Variants in CLDN14 observed in about 807,000 individuals in gnomAD.
The protein encoded by CLDN14 is claudin 14, also known as claudin-14.
In CLDN14, 2 loss-of-function variants were observed where a neutral mutation model predicts 2.1. The ratio of observed to expected loss-of-function variants is 0.96; its 90% CI spans 0.39 to 3.01. The LOEUF is 3.01. Ranked by LOEUF, CLDN14 falls within the 30% of genes most tolerant of loss-of-function variation. CLDN14 has a pLI of 0.09. For missense variants in CLDN14, 298 were observed against 328.0 expected, an observed-to-expected ratio of 0.91 and a Z score of 0.71; for synonymous variants, 136 against 154.4, an observed-to-expected ratio of 0.88 and a Z score of 0.88.
chr21:36,523,850 C>T (rs1393869614), intron 1 of CLDN14, among the ~76,000 whole-genome samples: 2 of 150,164 alleles, frequency 1.3e-5, no homozygotes, highest in African/African-American at 4.9e-5. Context: ...AAAGTGGATT[C>T]GGCACCATCC....
Position 36,552,832 on chromosome 21 carries a change from G to A in CLDN14, c.-220+23579C>T, listed in dbSNP as rs118139514. Reference sequence around the variant, plus strand: ...TGAAACCTTGGCCTCGCTGCTGGGAGGAAGCTTTGATCACCACCCCTTTTC... The same window carrying A: ...TGAAACCTTGGCCTCGCTGCTGGGAAGAAGCTTTGATCACCACCCCTTTTC... On this transcript the variant is annotated intron_variant, in intron 1 of 2. Coordinates refer to the CLDN14 transcript ENST00000342108. 5.9e-4 allele frequency among the ~76,000 whole-genome samples: 90 copies of A among 152,324 alleles called. 1 individual carries two copies. The highest frequency in any genetic ancestry group is 6.8e-3 in the Middle Eastern group (2 of 294).
At chr21:36,508,770 G>C (rs16994178) in intron 2 of CLDN14, among the ~76,000 whole-genome samples, 7,131 of 152,292 alleles carry the variant, frequency 0.047, 560 homozygotes, top group African/African-American at 0.16. Flanking sequence ...TCACAAGTTG[G>C]AGAGACAATG....
chr21:36,574,907 T>C (rs965213853), intron 1 of CLDN14, among the ~76,000 whole-genome samples: 3 of 152,152 alleles, frequency 2.0e-5, no homozygotes, highest in African/African-American at 4.8e-5. Flanking sequence ...CAGTTTCCAA[T>C]GCTTCCTTCC....
At chr21:36,534,598 T>C (rs1175646250) in intron 1 of CLDN14, among the ~76,000 whole-genome samples, 1 of 152,206 alleles carries the variant, frequency 6.6e-6, no homozygotes, top group African/African-American at 2.4e-5. Context: ...ACAATCACCA[T>C]GGCACCATCC....
intron 2 of CLDN14, among the ~76,000 whole-genome samples, chr21:36,510,196 G>C (rs1236580306): frequency 6.6e-6 from 1 of 152,224 alleles, no homozygotes; most frequent in Non-Finnish European, 1.5e-5. Flanking sequence ...GGAAATACCG[G>C]AAAAGCGGTG....
chr21:36,518,018 A>C (rs1294610658), intron 1 of CLDN14, among the ~76,000 whole-genome samples: 1 of 151,642 alleles, frequency 6.6e-6, no homozygotes, highest in Non-Finnish European at 1.5e-5. Context: ...GGGACTCACT[A>C]TGGCTCCACA....
At chr21:36,470,906 G>T (rs1012743421) in intron 1 of CLDN14, among the ~76,000 whole-genome samples, 1 of 152,232 alleles carries the variant, frequency 6.6e-6, no homozygotes, top group Non-Finnish European at 1.5e-5. Context: ...AGCCTGGGAG[G>T]CATAGATTGC....
At chr21:36,554,038 G>A (rs1374976556) in intron 1 of CLDN14, among the ~76,000 whole-genome samples, 1 of 152,130 alleles carries the variant, frequency 6.6e-6, no homozygotes, top group African/African-American at 2.4e-5. Flanking sequence ...CCCGGGTCTG[G>A]GGGTAACAGT....
intron 1 of CLDN14, among the ~76,000 whole-genome samples, chr21:36,536,286 G>C (rs1400338195): frequency 1.3e-5 from 2 of 152,198 alleles, no homozygotes; most frequent in African/African-American, 4.8e-5. Context: ...AGGGGACTGA[G>C]GACAAGAGTG....
In CLDN14 at chr21:36,520,029, G is replaced by T. The variant is rs185412767; in HGVS notation, c.-219-9529C>A. ...GTATTCTCTCACAGCTCTGGAGTCT[G>T]GAAGTCCCAAATCAAGATGTTGGCA... On this transcript the variant is annotated intron_variant, in intron 1 of 2. Transcript: ENST00000342108. Among the ~76,000 whole-genome samples, 52 of 152,314 alleles carry T rather than the reference G, an allele frequency of 3.4e-4. No homozygotes were observed. The East Asian group carries it at 9.8e-3, about 29-fold the overall frequency.
intron 1 of CLDN14, among the ~76,000 whole-genome samples, chr21:36,523,823 G>GA (rs1211294367): frequency 1.4e-5 from 2 of 142,850 alleles, no homozygotes; most frequent in Non-Finnish European, 3.0e-5. Context: ...AAGAAAGAAA[G>GA]AAAGAAAGAA....
At chr21:36,492,436 G>A (rs1434754219) in intron 2 of CLDN14, among the ~76,000 whole-genome samples, 6 of 19,574 alleles carry the variant, frequency 3.1e-4, no homozygotes, top group East Asian at 1.4e-3. Context: ...GCGAGACTCC[G>A]TCCCAAAAAA....
intron 1 of CLDN14, among the ~76,000 whole-genome samples, chr21:36,541,111 G>T (rs1486322254): frequency 6.6e-6 from 1 of 152,200 alleles, no homozygotes; most frequent in Non-Finnish European, 1.5e-5. Flanking sequence ...GCCAGTGGTG[G>T]TGCCAATTCC....
intron 1 of CLDN14, among the ~76,000 whole-genome samples, chr21:36,550,781 A>G (rs1196335220): frequency 6.6e-6 from 1 of 152,216 alleles, no homozygotes; most frequent in Non-Finnish European, 1.5e-5. Flanking sequence ...CAACAGTCAC[A>G]GTGCAAGGCA....
intron 2 of CLDN14, among the ~76,000 whole-genome samples, chr21:36,488,268 T>TCCTTCCTTCCTC (rs879439464): frequency 1.3e-4 from 19 of 150,122 alleles, no homozygotes; most frequent in Admixed American, 7.3e-4. Flanking sequence ...CTTCCTTCCT[T>TCCTTCCTTCCTC]CCTTCCCTCT....
chr21:36,483,202 C>A (rs1309792576), upstream of CLDN14, among the ~76,000 whole-genome samples: 1 of 152,220 alleles, frequency 6.6e-6, no homozygotes, highest in Non-Finnish European at 1.5e-5. Context: ...CCCACTGCAG[C>A]CCTTGCATCT....
upstream of CLDN14, chr21:36,480,181 C>T (rs1378270493): frequency 1.3e-5 from 2 of 152,238 alleles, no homozygotes; most frequent in African/African-American, 4.8e-5. Flanking sequence ...GCATGCTGGT[C>T]GATTCTGATC....
chr21:36,463,919 AAAAT>A (rs2086612008), intron 1 of CLDN14, among the ~76,000 whole-genome samples: 2 of 152,316 alleles, frequency 1.3e-5, no homozygotes, highest in Middle Eastern at 3.4e-3. Context: ...TGAACAAACA[AAAAT>A]AAATAATAAC....
chr21:36,461,381 C>T lies in CLDN14; in HGVS notation c.315G>A (p.Thr105=), dbSNP rs781167430. The change falls in exon 2 of 2, where the codon ACG becomes ACA. Residue 105 remains threonine, a synonymous_variant. Transcript: ENST00000399135. ...CACAVIGMKC[T]RCAKGTPAKT... ...TGGCGGGTGTGCCCTTGGCGCAGCG[C>T]GTGCACTTCATCCCGATGACGGCGC... The T allele has an allele frequency of 1.7e-5, 27 of 1,612,948 alleles. No individual in the cohort carries two copies. The East Asian group carries it at 1.8e-4, about 11-fold the overall frequency.
Sources: allele counts gnomAD v4.1 joint callset (sites outside exome capture counted in the v4.1 genomes callset), GRCh38; gene constraint gnomAD v4.1.1; transcripts MANE v1.5; gene names NCBI Gene and HGNC (gene_info 2026-07-23, HGNC 2026-07-21).